GLIS3: variants seen among roughly 807,000 people sequenced by gnomAD.
GLIS3 encodes GLIS family zinc finger 3, also known as zinc finger protein GLIS3.
GLIS3 carries 53 observed loss-of-function variants against 78.6 expected under a neutral mutation model. The observed-to-expected ratio is 0.67, with a 90% CI of 0.54 to 0.85. GLIS3 has a LOEUF of 0.85. Among genes scored for constraint, GLIS3 ranks in the 40% least tolerant of loss-of-function variants. The probability of loss-of-function intolerance (pLI) is 0.00; values close to 1 mark genes in which losing one functional copy is unlikely to be tolerated. For missense variants in GLIS3, 1,703 were observed against 1,231.1 expected (o/e 1.38, Z -5.74); for synonymous variants, 684 against 509.9 (o/e 1.34, Z -4.60).
At chr9:4,017,873 T>C (rs1032719483) in intron 4 of GLIS3, among the ~76,000 whole-genome samples, 3 of 152,154 alleles carry the variant, frequency 2.0e-5, no homozygotes, top group African/African-American at 7.2e-5. Context: ...CAGTTCAGTA[T>C]GTAATTGGAA....
At chr9:3,861,931 GAACTTA>G (rs1326059149) in intron 8 of GLIS3, among the ~76,000 whole-genome samples, 2 of 146,996 alleles carry the variant, frequency 1.4e-5, no homozygotes, top group East Asian at 2.4e-4. Flanking sequence ...ATGTATCCCA[GAACTTA>G]AACTTAACTT....
At chr9:3,938,319 A>T (rs913200226) in intron 4 of GLIS3, among the ~76,000 whole-genome samples, 1 of 152,230 alleles carries the variant, frequency 6.6e-6, no homozygotes, top group African/African-American at 2.4e-5. Flanking sequence ...CAGGGGGGTG[A>T]GGGTGGGTAA....
chr9:3,882,136 C>T (rs1049746002), intron 7 of GLIS3, among the ~76,000 whole-genome samples: 2 of 152,150 alleles, frequency 1.3e-5, no homozygotes, highest in Admixed American at 6.5e-5. Context: ...GGTCCTGGGA[C>T]AGGAAACAAG....
intron 4 of GLIS3, among the ~76,000 whole-genome samples, chr9:4,307,589 T>C (rs12377521): frequency 0.067 from 10,209 of 152,130 alleles, 504 homozygotes; most frequent in East Asian, 0.17. Context: ...CCTATGAATA[T>C]GTTAGATTAC....
chr9:4,467,903 C>T, the GLIS3 span, among the ~76,000 whole-genome samples: 1,135 of 152,214 alleles, frequency 7.5e-3, 17 homozygotes, highest in African/African-American at 0.025. Context: ...AAAGATTAGA[C>T]GAATGGCTAA....
At chr9:4,348,363 G>C (rs917631577) in exon 1 of GLIS3, 2 of 152,120 alleles carry the variant, frequency 1.3e-5, no homozygotes, top group Non-Finnish European at 2.9e-5. Flanking sequence ...CACGATCCAA[G>C]TGCCTGTTGG....
upstream of GLIS3, among the ~76,000 whole-genome samples, chr9:4,350,059 G>T (rs1466592125): frequency 6.6e-6 from 1 of 152,242 alleles, no homozygotes; most frequent in African/African-American, 2.4e-5. Flanking sequence ...GAGAGAGTCA[G>T]ATTGCAAGTT....
chr9:4,121,725 T>C (rs890151316), intron 3 of GLIS3, among the ~76,000 whole-genome samples: 3 of 151,920 alleles, frequency 2.0e-5, no homozygotes, highest in Non-Finnish European at 2.9e-5. Context: ...TACTGGATCA[T>C]ACACATTCTC....
chr9:4,262,371 T>G (rs1825610896), intron 2 of GLIS3, among the ~76,000 whole-genome samples: 1 of 151,936 alleles, frequency 6.6e-6, no homozygotes, highest in African/African-American at 2.4e-5. Context: ...GTGGCATGGA[T>G]TTGGGAAGGA....
At chr9:4,083,587 A>G (rs7027277) in intron 4 of GLIS3, among the ~76,000 whole-genome samples, 38,696 of 152,146 alleles carry the variant, frequency 0.25, 5,293 homozygotes, top group East Asian at 0.38. Context: ...TATAGGTAGG[A>G]ACTTTTTAGT....
intron 2 of GLIS3, among the ~76,000 whole-genome samples, chr9:4,239,079 G>C (rs1425425282): frequency 6.8e-6 from 1 of 148,142 alleles, no homozygotes; most frequent in Non-Finnish European, 1.5e-5. Context: ...TCTTAATCCA[G>C]TCTATCATTG....
At chr9:4,134,490 C>G (rs1833245521) in intron 2 of GLIS3, among the ~76,000 whole-genome samples, 1 of 152,128 alleles carries the variant, frequency 6.6e-6, no homozygotes, top group Admixed American at 6.5e-5. Flanking sequence ...GTAATTTTAC[C>G]TCTTAGCCTT....
intron 7 of GLIS3, among the ~76,000 whole-genome samples, chr9:3,881,106 G>T (rs1301520878): frequency 2.0e-5 from 3 of 152,126 alleles, no homozygotes; most frequent in Non-Finnish European, 4.4e-5. Context: ...CCACAATTCT[G>T]CTTGTATTCC....
At chr9:4,369,458 T>A in the GLIS3 span, among the ~76,000 whole-genome samples, 1 of 152,198 alleles carries the variant, frequency 6.6e-6, no homozygotes, top group African/African-American at 2.4e-5. Flanking sequence ...TAGGTTTCTG[T>A]TATATAGTTT....
At chr9:4,073,864 A>G (rs1203641905) in intron 4 of GLIS3, among the ~76,000 whole-genome samples, 3 of 152,170 alleles carry the variant, frequency 2.0e-5, no homozygotes, top group African/African-American at 7.2e-5. Context: ...GGCACATAGG[A>G]GGTGCTCAGT....
chr9:4,322,615 A>T (rs938314670), intron 2 of GLIS3, among the ~76,000 whole-genome samples: 4 of 152,128 alleles, frequency 2.6e-5, no homozygotes, highest in African/African-American at 9.7e-5. Context: ...AACAGGTGTG[A>T]GATGGTGTCT....
At chr9:4,225,287 T>C (rs901255309) in intron 2 of GLIS3, among the ~76,000 whole-genome samples, 1 of 152,202 alleles carries the variant, frequency 6.6e-6, no homozygotes, top group Non-Finnish European at 1.5e-5. Context: ...GTGACTCAAA[T>C]GTTTTATTTA....
chr9:4,411,474 T>G, the GLIS3 span, among the ~76,000 whole-genome samples: 1 of 152,148 alleles, frequency 6.6e-6, no homozygotes, highest in Non-Finnish European at 1.5e-5. Flanking sequence ...AATATGCAAA[T>G]GTAGTAAATG....
intron 2 of GLIS3, among the ~76,000 whole-genome samples, chr9:4,281,257 C>G (rs574742345): frequency 6.6e-6 from 1 of 152,182 alleles, no homozygotes; most frequent in Admixed American, 6.5e-5. Context: ...TTAGTATTTG[C>G]TCTTTTAAAA....
Sources: gnomAD v4.1 joint callset for allele counts (sites outside exome capture counted in the v4.1 genomes callset) on GRCh38, gnomAD v4.1.1 for gene constraint, MANE v1.5 for transcripts, NCBI Gene and HGNC (gene_info 2026-07-23, HGNC 2026-07-21) for gene names.